The following CFAP47 variants were observed in gnomAD, a reference collection of about 807,000 sequenced individuals.
CFAP47 encodes cilia- and flagella-associated protein 47.
In CFAP47, 29 loss-of-function variants were observed where a neutral mutation model predicts 148.1. The observed-to-expected ratio is 0.20, with a 90% CI of 0.15 to 0.27. The LOEUF (loss-of-function observed/expected upper bound fraction) is 0.27, where lower values mean the gene tolerates loss of function less well. CFAP47 is among the 10% of genes least tolerant of loss of function. The pLI, the probability that CFAP47 is intolerant of heterozygous loss-of-function variation, is 1.00. For synonymous variants in CFAP47, 664 were observed against 577.3 expected (o/e 1.15, Z -2.15); for missense variants, 1,872 against 1,697.5 (o/e 1.10, Z -1.81).
intron 15 of CFAP47, among the ~76,000 whole-genome samples, chrX:35,981,667 C>T (rs1417219818): frequency 9.0e-6 from 1 of 111,103 alleles, no homozygotes; most frequent in Non-Finnish European, 1.9e-5. Context: ...CAATCCTCAC[C>T]CTCCTCCCAA....
intron 62 of CFAP47, among the ~76,000 whole-genome samples, chrX:36,369,387 T>C (rs1941908898): frequency 9.0e-6 from 1 of 111,326 alleles, no homozygotes. Context: ...GATTTTCTTC[T>C]ATTTTTGTTC....
chrX:36,130,001 G>T (rs1938916584), intron 33 of CFAP47, among the ~76,000 whole-genome samples: 1 of 111,447 alleles, frequency 9.0e-6, no homozygotes, highest in Non-Finnish European at 1.9e-5. Context: ...AGCATAATTA[G>T]TAATTTGGGA....
In CFAP47 at chrX:36,073,132, AT is replaced by A; in HGVS notation, c.4466-3del. 3.4e-6 allele frequency: 4 copies of A among 1,183,307 alleles called. No individual in the cohort carries two copies. Among genetic ancestry groups the A allele is most frequent in the Non-Finnish European group, 4.6e-6 (4 of 871,944 alleles). ...GCCCTTTTTTAACAAACTAATTTTA[AT>A]TTTAGGAGTGGAAGTACTGCCTGAA... On this transcript the variant is annotated splice_region_variant and splice_polypyrimidine_tract_variant and intron_variant, in intron 28 of 63. Transcript: ENST00000378653.
chrX:36,210,548 T>G (rs868979209), intron 45 of CFAP47, among the ~76,000 whole-genome samples: 2 of 112,578 alleles, frequency 1.8e-5, no homozygotes, highest in Middle Eastern at 4.6e-3. Flanking sequence ...TTTAAAAATT[T>G]AGTTGTCTTT....
At chrX:36,240,810 A>G (rs1204776612) in intron 48 of CFAP47, among the ~76,000 whole-genome samples, 4 of 112,172 alleles carry the variant, frequency 3.6e-5, no homozygotes, top group South Asian at 3.7e-4. Context: ...AAATTACTGT[A>G]TAGGTGAATA....
intron 62 of CFAP47, among the ~76,000 whole-genome samples, chrX:36,378,632 C>T (rs186429244): frequency 4.5e-5 from 5 of 111,637 alleles, no homozygotes; most frequent in African/African-American, 1.6e-4. Context: ...CTCTGCCTCC[C>T]GGGTTCAAGC....
intron 45 of CFAP47, 26 bp from the exon 46 acceptor site, chrX:36,228,602 G>A (rs1602056158): frequency 3.9e-6 from 2 of 514,814 alleles, no homozygotes; most frequent in East Asian, 7.2e-5. Context: ...GATTTTAAAT[G>A]AACTGTTTTA....
chrX:36,307,477 T>C (rs1602101933), intron 55 of CFAP47, among the ~76,000 whole-genome samples: 1 of 111,306 alleles, frequency 9.0e-6, no homozygotes, highest in African/African-American at 3.3e-5. Context: ...AGGTGTGACC[T>C]GAATCCAGGA....
intron 51 of CFAP47, among the ~76,000 whole-genome samples, chrX:36,295,776 A>C (rs1436978776): frequency 1.8e-5 from 2 of 112,055 alleles, no homozygotes; most frequent in Non-Finnish European, 3.8e-5. Flanking sequence ...TAAAGGTGTC[A>C]TTTAAGATTT....
chrX:35,979,201 A>G (rs1936609614), intron 15 of CFAP47, among the ~76,000 whole-genome samples: 1 of 109,283 alleles, frequency 9.2e-6, no homozygotes, highest in African/African-American at 3.3e-5. Context: ...CTGGTCTCGG[A>G]CTCCTGACCT....
intron 26 of CFAP47, 142 bp downstream of exon 26, chrX:36,047,205 G>GT (rs1476346809): frequency 2.1e-6 from 1 of 470,914 alleles, no homozygotes. Context: ...AATTCCAAAT[G>GT]TAAGTGCGCT....
intron 33 of CFAP47, among the ~76,000 whole-genome samples, chrX:36,127,824 G>T (rs900241623): frequency 1.8e-5 from 2 of 110,862 alleles, no homozygotes; most frequent in Non-Finnish European, 3.8e-5. Flanking sequence ...TTGTAAGTTG[G>T]ATTCCTAGGT....
intron 19 of CFAP47, among the ~76,000 whole-genome samples, chrX:35,999,350 C>T (rs760201517): frequency 1.8e-5 from 2 of 111,828 alleles, no homozygotes; most frequent in East Asian, 5.6e-4. Flanking sequence ...TAAGAAACTC[C>T]ATGGTATTTT....
Position 36,303,892 on chromosome X carries a change from A to G in CFAP47, c.8014A>G (p.Thr2672Ala), listed in dbSNP as rs1556008308. ...TCCTTTAGTTAATTGTACGCATGAA[A>G]CCTTAAAATTGCAAGTAACAAACAG... ...IIPLVNCTHETLKLQVTNSNP... is the reference protein window; with the variant it reads ...IIPLVNCTHEALKLQVTNSNP... The change falls in exon 54 of 64, where the codon ACC becomes GCC. Residue 2672 changes from threonine (T) to alanine (A), a missense_variant. By Grantham distance (58) the Thr-to-Ala change is moderately conservative. Coordinates refer to ENST00000378653, the MANE Select transcript of CFAP47 (RefSeq NM_001304548.2). The G allele has an allele frequency of 1.7e-6, 2 of 1,150,091 alleles. No homozygotes were observed. Among genetic ancestry groups the G allele is most frequent in the South Asian group, 3.9e-5 (2 of 50,970 alleles). 94.8% of individuals were successfully genotyped at this position (1,150,091 alleles called of 1,213,427 possible). A position where few individuals can be genotyped will look rare whatever the true frequency, so the allele number is the denominator to read the frequency against.
intron 26 of CFAP47, among the ~76,000 whole-genome samples, chrX:36,060,077 C>T (rs1027874683): frequency 9.0e-6 from 1 of 111,263 alleles, no homozygotes; most frequent in Non-Finnish European, 1.9e-5. Flanking sequence ...ATACTGTTTC[C>T]ATGCTTTTTG....
chrX:36,374,647 G>T, intron 62 of CFAP47: 1 of 272,165 alleles, frequency 3.7e-6, no homozygotes, highest in Admixed American at 6.3e-5. Flanking sequence ...CTTTTTTAAT[G>T]TAGATATTTA....
chrX:36,054,100 C>T (rs964535025), intron 26 of CFAP47, among the ~76,000 whole-genome samples: 1 of 112,149 alleles, frequency 8.9e-6, no homozygotes, highest in African/African-American at 3.2e-5. Context: ...TTGTGAGCAC[C>T]TTCCTGGTTG....
chrX:36,050,072 G>T (rs748168158), intron 26 of CFAP47, among the ~76,000 whole-genome samples: 35 of 111,860 alleles, frequency 3.1e-4, no homozygotes, highest in African/African-American at 1.1e-3. Flanking sequence ...ATGTGGAACT[G>T]TGAGTCCATT....
At chrX:36,318,082 C>A (rs781861279) in intron 56 of CFAP47, among the ~76,000 whole-genome samples, 2 of 111,686 alleles carry the variant, frequency 1.8e-5, no homozygotes, top group Non-Finnish European at 3.8e-5. Context: ...CCATCACAAG[C>A]TATTCCAATG....
Sources: gnomAD v4.1 joint callset for allele counts (sites outside exome capture counted in the v4.1 genomes callset) on GRCh38, gnomAD v4.1.1 for gene constraint, MANE v1.5 for transcripts, NCBI Gene and HGNC (gene_info 2026-07-23, HGNC 2026-07-21) for gene names.